The following TRPA1 variants were observed in gnomAD, a reference collection of about 807,000 sequenced individuals.
TRPA1 encodes the protein transient receptor potential cation channel subfamily A member 1, also known as ankyrin-like with transmembrane domains 1.
In TRPA1, 129 loss-of-function variants were observed where a neutral mutation model predicts 131.3. That is an observed-to-expected ratio of 0.98 (90% CI 0.85 to 1.14). The LOEUF (loss-of-function observed/expected upper bound fraction) is 1.14, where lower values mean the gene tolerates loss of function less well. Ranked by LOEUF, TRPA1 falls within the 50% of genes most tolerant of loss-of-function variation. The pLI, the probability that TRPA1 is intolerant of heterozygous loss-of-function variation, is 0.00. For synonymous variants in TRPA1, 441 were observed against 451.7 expected, an observed-to-expected ratio of 0.98 and a Z score of 0.30; for missense variants, 1,304 against 1,354.2, an observed-to-expected ratio of 0.96 and a Z score of 0.58.
At position 72,065,482 on chromosome 8, in the gene TRPA1, G is replaced by C; in HGVS notation, c.521C>G (p.Thr174Ser). Residue 174 changes from threonine to serine, a missense_variant, in exon 4 of 27, where the codon ACC (threonine) becomes AGC (serine). Physicochemically the swap from Thr to Ser is moderately conservative, Grantham distance 58. Transcript: ENST00000262209. ...NGNTAVIIACTTNNSEALQIL... is the reference protein window; with the variant it reads ...NGNTAVIIACSTNNSEALQIL... ...CTGCAATGCTTCGCTATTATTTGTGGTGCACGCAATGATCACAGCTGTGTT... is the reference window on the plus strand; with the variant it reads ...CTGCAATGCTTCGCTATTATTTGTGCTGCACGCAATGATCACAGCTGTGTT... 6.2e-7 allele frequency: 1 copy of C among 1,613,460 alleles called. No homozygotes were observed. Among genetic ancestry groups the C allele is most frequent in the Admixed American group, 1.7e-5 (1 of 59,976 alleles).
chr8:72,033,313 G>T (rs183849185), intron 23 of TRPA1, among the ~76,000 whole-genome samples: 31 of 152,246 alleles, frequency 2.0e-4, no homozygotes, highest in Admixed American at 2.0e-3. Context: ...ATGCTACACA[G>T]TTATTTATTA....
rs1383627826 is a variant in TRPA1, at chr8:72,023,016, G to A, written c.3250C>T (p.His1084Tyr). Residue 1084 changes from histidine (H) to tyrosine (Y), a missense_variant, in exon 27 of 27, where the codon CAT (histidine) becomes TAT (tyrosine). His to Tyr is a moderately conservative substitution (Grantham distance 83). Coordinates refer to ENST00000262209, the MANE Select transcript of TRPA1 (RefSeq NM_007332.3). ...IISETEDDDS[H>Y]CSFQDRFKKE... is the part of the protein sequence containing the mutation. ...TTAAACCTGTCTTGAAAAGAACAAT[G>A]GCTATCATCATCCTCTGTCTCAGAG... is the stretch of plus-strand genomic sequence containing the variant. The A allele has an allele frequency of 1.9e-6, 3 of 1,613,784 alleles. No homozygotes were observed. Among genetic ancestry groups the A allele is most frequent in the Admixed American group, 1.7e-5 (1 of 59,966 alleles).
In TRPA1 at chr8:72,022,849, G is replaced by A. The variant is rs2129432227; in HGVS notation, c.*57C>T. 6 of 1,501,798 alleles carry A rather than the reference G, an allele frequency of 4.0e-6. No individual in the cohort carries two copies. Among genetic ancestry groups the A allele is most frequent in the Non-Finnish European group, 5.6e-6 (6 of 1,080,874 alleles). 93.0% of individuals were successfully genotyped at this position (1,501,798 alleles called of 1,614,324 possible). A position where few individuals can be genotyped will look rare whatever the true frequency, so the allele number is the denominator to read the frequency against. ...CTTCCTCACTCTTTTTAAATTGAAAGTTAGAACCAGCAAGTCATGCACCCC... is the reference window on the plus strand; with the variant it reads ...CTTCCTCACTCTTTTTAAATTGAAAATTAGAACCAGCAAGTCATGCACCCC... On this transcript the variant is annotated 3_prime_UTR_variant, in exon 27 of 27. Transcript: ENST00000262209.
rs748624068 is a variant in TRPA1, at chr8:72,034,305, T to C, written c.2628A>G (p.Val876=). The stretch of plus-strand genomic sequence containing the variant: ...CAAAAGCCAGAAGAAGGAAGATAAA[T>C]ACAACTGTAGACCTCAACAAAGTTT... The part of the protein sequence containing the change: ...ILKTLLRSTV[V]FIFLLLAFGL... The change falls in exon 22 of 27, where the codon GTA becomes GTG. Residue 876 remains valine, a synonymous_variant. Coordinates refer to ENST00000262209, the MANE Select transcript of TRPA1 (RefSeq NM_007332.3). 5.0e-6 allele frequency: 8 copies of C among 1,604,430 alleles called. No individual in the cohort carries two copies. Among genetic ancestry groups the C allele is most frequent in the African/African-American group, 1.3e-5 (1 of 74,480 alleles).
chr8:72,031,035 G>A (rs1193690742), intron 23 of TRPA1, among the ~76,000 whole-genome samples: 1 of 152,186 alleles, frequency 6.6e-6, no homozygotes, highest in Non-Finnish European at 1.5e-5. Flanking sequence ...AGCTCTATGA[G>A]ACAAGGGATC....
At chr8:72,079,776 G>C (rs72659699), upstream of TRPA1, among the ~76,000 whole-genome samples, 6,678 of 151,882 alleles carry the variant, frequency 0.044, 214 homozygotes, top group Middle Eastern at 0.072. Context: ...AAAATATTGA[G>C]TCTTCTGATC....
At chr8:72,024,048 C>T in intron 25 of TRPA1, 137 bp from the exon 26 acceptor site, 2 of 641,278 alleles carry the variant, frequency 3.1e-6, no homozygotes, top group Non-Finnish European at 5.7e-6. Flanking sequence ...CCACAATCTG[C>T]TAGGAGAAAG....
intron 7 of TRPA1, 145 bp from the exon 8 acceptor site, chr8:72,059,583 A>G (rs548213733): frequency 1.8e-6 from 1 of 569,324 alleles, no homozygotes; most frequent in Admixed American, 3.3e-5. Context: ...TAAGCTTTCA[A>G]AATTTATAAT....
rs571881498 is a variant in TRPA1 at position 72,072,074 on chromosome 8, A to C, written c.112-207T>G. Among the ~76,000 whole-genome samples, 4 of 152,324 alleles carry C rather than the reference A, an allele frequency of 2.6e-5. No individual in the cohort carries two copies. The South Asian group carries it at 8.3e-4, about 32-fold the overall frequency. On this transcript the variant is annotated intron_variant, in intron 1 of 26. Transcript: ENST00000262209. ...CCAAGATTGATCAACACATGAAATA[A>C]ATTTTTTTATCATGAACTCATTCAT...
rs1403663362 is a variant in TRPA1 at position 72,036,462 on chromosome 8, G to T, written c.2386-5C>A. The T allele has an allele frequency of 1.2e-6, 2 of 1,610,028 alleles. No individual in the cohort carries two copies. The highest frequency in any genetic ancestry group is 2.2e-5 in the South Asian group (2 of 90,934). On this transcript the variant is annotated splice_polypyrimidine_tract_variant and splice_region_variant and intron_variant, in intron 20 of 26. Coordinates refer to ENST00000262209, the MANE Select transcript of TRPA1 (RefSeq NM_007332.3). ...ATCCATAAAATAATTCCTTTTCTGG[G>T]ATAGAAAAGAATAAAAAATTACCAC... is the stretch of plus-strand genomic sequence containing the variant.
intron 7 of TRPA1, among the ~76,000 whole-genome samples, chr8:72,060,139 A>G (rs1301119090): frequency 6.6e-6 from 1 of 151,484 alleles, no homozygotes; most frequent in Non-Finnish European, 1.5e-5. Context: ...TATTTAAAAT[A>G]TATTAATTAT....
chr8:72,067,225 T>C (rs1805953624), intron 3 of TRPA1, among the ~76,000 whole-genome samples: 1 of 152,138 alleles, frequency 6.6e-6, no homozygotes. Context: ...GGCCGGACCA[T>C]GGGCATAACT....
the TRPA1 span, among the ~76,000 whole-genome samples, chr8:72,081,539 T>G: frequency 6.6e-6 from 1 of 151,958 alleles, no homozygotes; most frequent in Middle Eastern, 3.4e-3. Context: ...TTGCTCAAGT[T>G]TTCTATATTC....
At chr8:72,053,671 G>C (rs1299232531) in intron 13 of TRPA1, 82 bp downstream of exon 13, 2 of 981,858 alleles carry the variant, frequency 2.0e-6, no homozygotes, top group East Asian at 2.5e-5. Flanking sequence ...AAGGTAAAAG[G>C]TGTCTAGGAG....
At chr8:72,063,009 TA>T in intron 5 of TRPA1, 65 bp from the exon 6 acceptor site, 1 of 1,457,766 alleles carries the variant, frequency 6.9e-7, no homozygotes, top group Non-Finnish European at 9.4e-7. Context: ...GGTTTTTTGT[TA>T]AAAAATATGA....
upstream of TRPA1, among the ~76,000 whole-genome samples, chr8:72,078,573 C>G (rs1250763935): frequency 6.6e-6 from 1 of 152,090 alleles, no homozygotes; most frequent in African/African-American, 2.4e-5. Flanking sequence ...CCACATTGTA[C>G]TATATATCAG....
chr8:72,045,925 C>T (rs988049564), intron 17 of TRPA1, among the ~76,000 whole-genome samples: 6 of 151,972 alleles, frequency 3.9e-5, no homozygotes, highest in Non-Finnish European at 5.9e-5. Flanking sequence ...GTCTTAAAAG[C>T]CTGCTTCCAA....
At chr8:72,027,197 G>T (rs1270679077) in intron 24 of TRPA1, among the ~76,000 whole-genome samples, 1 of 152,052 alleles carries the variant, frequency 6.6e-6, no homozygotes, top group African/African-American at 2.4e-5. Context: ...GATTGAAAAA[G>T]ATTTACTCAA....
In TRPA1 at chr8:72,054,253, T is replaced by A. The variant is rs950056357; in HGVS notation, c.1530-386A>T. 4 of 259,184 alleles carry A rather than the reference T, an allele frequency of 1.5e-5. No homozygotes were observed. In the South Asian group the frequency reaches 1.8e-4, roughly 12 times the overall value. 16.1% of individuals were successfully genotyped at this position (259,184 alleles called of 1,614,324 possible). A position where few individuals can be genotyped will look rare whatever the true frequency, so the allele number is the denominator to read the frequency against. On this transcript the variant is annotated intron_variant, in intron 12 of 26. Coordinates refer to ENST00000262209, the MANE Select transcript of TRPA1 (RefSeq NM_007332.3). ...TCTTTCAATGAACACTGTATCAAAATTTTTTTATGAAGTAATGTTAGTCTT... is the reference window on the plus strand; with the variant it reads ...TCTTTCAATGAACACTGTATCAAAAATTTTTTATGAAGTAATGTTAGTCTT...
Sources: gnomAD v4.1 joint callset for allele counts (sites outside exome capture counted in the v4.1 genomes callset) on GRCh38, gnomAD v4.1.1 for gene constraint, MANE v1.5 for transcripts, NCBI Gene and HGNC (gene_info 2026-07-23, HGNC 2026-07-21) for gene names.